R3HDM1: variants seen among roughly 807,000 people sequenced by gnomAD.
The protein encoded by R3HDM1 is R3H domain containing 1.
A neutral mutation model predicts 141.1 loss-of-function variants in R3HDM1; 46 were observed. That is an observed-to-expected ratio of 0.33 (90% CI 0.26 to 0.42). R3HDM1 has a LOEUF of 0.42. Among genes scored for constraint, R3HDM1 ranks in the 10% least tolerant of loss-of-function variants. The probability of loss-of-function intolerance (pLI) is 1.00; values close to 1 mark genes in which losing one functional copy is unlikely to be tolerated. For missense variants in R3HDM1, 1,184 were observed against 1,368.3 expected, an observed-to-expected ratio of 0.87 and a Z score of 2.12; for synonymous variants, 435 against 472.9, an observed-to-expected ratio of 0.92 and a Z score of 1.04.
At chr2:135,571,840 A>G (rs1309075598) in intron 1 of R3HDM1, among the ~76,000 whole-genome samples, 1 of 151,984 alleles carries the variant, frequency 6.6e-6, no homozygotes, top group Non-Finnish European at 1.5e-5. Context: ...TGCCTAGGCT[A>G]GTCTCGAACT....
At chr2:135,559,580 T>C (rs1302623736) in intron 1 of R3HDM1, among the ~76,000 whole-genome samples, 1 of 152,284 alleles carries the variant, frequency 6.6e-6, no homozygotes, top group African/African-American at 2.4e-5. Context: ...TATATTTATA[T>C]GCCTTAATCT....
intron 1 of R3HDM1, among the ~76,000 whole-genome samples, chr2:135,538,051 TTTG>T (rs1391550061): frequency 6.6e-6 from 1 of 152,210 alleles, no homozygotes; most frequent in East Asian, 1.9e-4. Context: ...ATTAGAGAGT[TTTG>T]TTGTGCCAAC....
chr2:135,699,046 A>T (rs202163547), intron 21 of R3HDM1, among the ~76,000 whole-genome samples: 12 of 37,470 alleles, frequency 3.2e-4, no homozygotes, highest in Non-Finnish European at 4.8e-4. Context: ...TAGATAGATA[A>T]GATAGATAAG....
chr2:135,569,302 G>T (rs1269793985), intron 1 of R3HDM1, among the ~76,000 whole-genome samples: 2 of 152,040 alleles, frequency 1.3e-5, no homozygotes, highest in African/African-American at 4.8e-5. Flanking sequence ...GGACAACATA[G>T]TGAAACCCCA....
chr2:135,692,217 T>C (rs2072515669), intron 21 of R3HDM1, among the ~76,000 whole-genome samples: 1 of 152,184 alleles, frequency 6.6e-6, no homozygotes, highest in Non-Finnish European at 1.5e-5. Context: ...GCCATTTTTT[T>C]TTTTCTAAGG....
intron 1 of R3HDM1, among the ~76,000 whole-genome samples, chr2:135,579,799 G>A (rs1340243189): frequency 6.6e-6 from 1 of 152,150 alleles, no homozygotes; most frequent in East Asian, 1.9e-4. Context: ...AAGGTCTGTA[G>A]ATTAGTTAAT....
In R3HDM1 at chr2:135,645,404, G is replaced by A; in HGVS notation, c.1500G>A (p.Gly500=). The part of the protein sequence containing the change: ...QTGQPFINPD[G]SPVVYNPPMT... ...GTCAGCCCTTCATAAACCCAGATGG[G>A]AGTCCAGTTGTGTATAATCCTCCTA... The change falls in exon 16 of 27, where the codon GGG becomes GGA. Residue 500 remains glycine (G), a synonymous_variant. Coordinates refer to ENST00000683871, the MANE Select transcript of R3HDM1 (RefSeq NM_001378107.1). 4 of 1,610,406 alleles carry A rather than the reference G, an allele frequency of 2.5e-6. No homozygotes were observed. Among genetic ancestry groups the A allele is most frequent in the Non-Finnish European group, 2.5e-6 (3 of 1,177,474 alleles).
intron 1 of R3HDM1, among the ~76,000 whole-genome samples, chr2:135,555,145 C>T (rs1490303365): frequency 1.3e-5 from 2 of 151,738 alleles, no homozygotes; most frequent in Non-Finnish European, 2.9e-5. Flanking sequence ...ACTAAAAATA[C>T]AAAAATTAGC....
At chr2:135,723,478 A>G (rs1216480600) in intron 26 of R3HDM1, among the ~76,000 whole-genome samples, 3 of 151,652 alleles carry the variant, frequency 2.0e-5, no homozygotes, top group African/African-American at 2.4e-5. Flanking sequence ...GATTTAAAAG[A>G]TGGATGTCCC....
intron 7 of R3HDM1, among the ~76,000 whole-genome samples, chr2:135,623,701 T>G (rs577600155): frequency 1.2e-4 from 19 of 152,186 alleles, no homozygotes; most frequent in African/African-American, 4.3e-4. Flanking sequence ...AAAGATAAAT[T>G]TATGAGTCTA....
intron 21 of R3HDM1, among the ~76,000 whole-genome samples, chr2:135,699,782 T>G (rs1458174367): frequency 6.6e-6 from 1 of 152,222 alleles, no homozygotes; most frequent in Non-Finnish European, 1.5e-5. Flanking sequence ...CTCTATGTTC[T>G]AAGATGGTAA....
At chr2:135,679,899 G>A (rs1485572458) in intron 20 of R3HDM1, among the ~76,000 whole-genome samples, 2 of 152,124 alleles carry the variant, frequency 1.3e-5, no homozygotes, top group African/African-American at 2.4e-5. Context: ...GACCAACATG[G>A]TGAAACCCCA....
At chr2:135,664,030 T>C (rs1317170412) in intron 19 of R3HDM1, among the ~76,000 whole-genome samples, 63 of 74,108 alleles carry the variant, frequency 8.5e-4, no homozygotes, top group African/African-American at 6.2e-3. Flanking sequence ...TGAGACTGTC[T>C]CAAAAAAAAA....
chr2:135,583,878 C>T (rs1027041621), intron 1 of R3HDM1: 2 of 985,222 alleles, frequency 2.0e-6, no homozygotes, highest in African/African-American at 3.5e-5. Context: ...CCATAGTTGC[C>T]CCAGTTCCTA....
intron 9 of R3HDM1, among the ~76,000 whole-genome samples, chr2:135,634,892 G>T (rs1036728516): frequency 2.6e-5 from 4 of 152,142 alleles, no homozygotes; most frequent in African/African-American, 9.7e-5. Context: ...AGTCACAGGA[G>T]TATTGATTCA....
At chr2:135,687,256 G>C (rs1055292828) in intron 21 of R3HDM1, among the ~76,000 whole-genome samples, 2 of 152,184 alleles carry the variant, frequency 1.3e-5, no homozygotes, top group African/African-American at 4.8e-5. Flanking sequence ...GTCATTGCCA[G>C]GGGCTGCAGG....
intron 3 of R3HDM1, among the ~76,000 whole-genome samples, chr2:135,612,414 T>C (rs1017797357): frequency 1.3e-5 from 2 of 152,192 alleles, no homozygotes; most frequent in African/African-American, 4.8e-5. Flanking sequence ...TGTCAGATTT[T>C]CTTAGTTGAG....
chr2:135,570,613 T>C (rs1573928563), intron 1 of R3HDM1, among the ~76,000 whole-genome samples: 1 of 152,242 alleles, frequency 6.6e-6, no homozygotes, highest in African/African-American at 2.4e-5. Flanking sequence ...TCAGTTCCCC[T>C]TTACAACTGT....
intron 17 of R3HDM1, 161 bp from the exon 18 acceptor site, chr2:135,651,569 T>TA (rs2065153757): frequency 2.1e-6 from 2 of 947,224 alleles, no homozygotes; most frequent in Non-Finnish European, 2.5e-6. Context: ...GAGTTGTCAT[T>TA]TTTTTGAAGC....
Sources: allele counts gnomAD v4.1 joint callset (sites outside exome capture counted in the v4.1 genomes callset), GRCh38; gene constraint gnomAD v4.1.1; transcripts MANE v1.5; gene names NCBI Gene and HGNC (gene_info 2026-07-23, HGNC 2026-07-21).